The following SLC14A2 variants were observed in gnomAD, a reference collection of about 807,000 sequenced individuals.
SLC14A2 encodes the protein solute carrier family 14 member 2.
In SLC14A2, 91 loss-of-function variants were observed where a neutral mutation model predicts 104.6. The observed-to-expected ratio is 0.87, with a 90% confidence interval of 0.73 to 1.04. SLC14A2 has a LOEUF of 1.04. Ranked by LOEUF, SLC14A2 falls within the 50% of genes least tolerant of loss-of-function variation. The probability of loss-of-function intolerance (pLI) is 0.00; values close to 1 mark genes in which losing one functional copy is unlikely to be tolerated. For missense variants in SLC14A2, 1,189 were observed against 1,156.0 expected (o/e 1.03, Z -0.41); for synonymous variants, 476 against 466.4 (o/e 1.02, Z -0.27).
At chr18:45,614,486 G>A (rs1046804821), upstream of SLC14A2, among the ~76,000 whole-genome samples, 3 of 152,208 alleles carry the variant, frequency 2.0e-5, no homozygotes, top group Non-Finnish European at 2.9e-5. Flanking sequence ...CTCTGCACCT[G>A]GAAGAGCCAC....
chr18:45,280,135 G>A (rs141781384), intron 1 of SLC14A2, among the ~76,000 whole-genome samples: 103 of 152,246 alleles, frequency 6.8e-4, no homozygotes, highest in African/African-American at 2.3e-3. Context: ...GCTCCAAGAC[G>A]GTAAAAACCT....
chr18:45,304,716 G>A (rs1455923075), intron 1 of SLC14A2, among the ~76,000 whole-genome samples: 1 of 152,190 alleles, frequency 6.6e-6, no homozygotes, highest in African/African-American at 2.4e-5. Context: ...GCTGAGGAGA[G>A]AGCAGCCTAA....
At chr18:45,194,327 C>T in the SLC14A2 span, among the ~76,000 whole-genome samples, 10 of 152,100 alleles carry the variant, frequency 6.6e-5, no homozygotes, top group Admixed American at 2.0e-4. Flanking sequence ...GGTTAGTTGT[C>T]GACTTTTTTG....
At chr18:45,467,796 A>G (rs1568222525) in intron 1 of SLC14A2, among the ~76,000 whole-genome samples, 1 of 152,184 alleles carries the variant, frequency 6.6e-6, no homozygotes, top group Non-Finnish European at 1.5e-5. Flanking sequence ...TCTCCCACAG[A>G]CAAATTAAAA....
chr18:45,422,453 A>G (rs1297429570), intron 1 of SLC14A2, among the ~76,000 whole-genome samples: 1 of 152,192 alleles, frequency 6.6e-6, no homozygotes, highest in Non-Finnish European at 1.5e-5. Flanking sequence ...AACATGGAAA[A>G]GGGAACCAGG....
chr18:45,487,631 T>A (rs1181575586), intron 2 of SLC14A2, among the ~76,000 whole-genome samples: 1 of 152,000 alleles, frequency 6.6e-6, no homozygotes, highest in East Asian at 1.9e-4. Flanking sequence ...GTGTTGGAAG[T>A]AAGAGGGCTT....
chr18:45,384,596 C>T (rs985224039), intron 1 of SLC14A2, among the ~76,000 whole-genome samples: 25 of 152,172 alleles, frequency 1.6e-4, no homozygotes, highest in Non-Finnish European at 2.9e-5. Context: ...CACTGCTGCC[C>T]TCTGCTGGAT....
intron 9 of SLC14A2, 73 bp downstream of exon 9, chr18:45,643,254 G>C: frequency 1.5e-6 from 2 of 1,341,234 alleles, no homozygotes; most frequent in Non-Finnish European, 2.1e-6. Context: ...GGGTTGTGGG[G>C]TCTGGGAAAG....
intron 1 of SLC14A2, among the ~76,000 whole-genome samples, chr18:45,375,652 T>G (rs1390090190): frequency 1.3e-5 from 2 of 152,210 alleles, no homozygotes; most frequent in Non-Finnish European, 2.9e-5. Flanking sequence ...TCCCCTGTTT[T>G]AATAAATCAG....
At chr18:45,619,898 A>G (rs2045136551) in intron 1 of SLC14A2, among the ~76,000 whole-genome samples, 1 of 152,212 alleles carries the variant, frequency 6.6e-6, no homozygotes, top group Admixed American at 6.5e-5. Flanking sequence ...CCAGGAACCA[A>G]GTCAGCAATT....
intron 1 of SLC14A2, among the ~76,000 whole-genome samples, chr18:45,255,151 C>A (rs1031140010): frequency 1.3e-5 from 2 of 152,142 alleles, no homozygotes; most frequent in African/African-American, 2.4e-5. Flanking sequence ...ACTGTGCTAC[C>A]CTTTCTCTTT....
chr18:45,385,424 G>A (rs748986489), intron 1 of SLC14A2, among the ~76,000 whole-genome samples: 5 of 152,138 alleles, frequency 3.3e-5, no homozygotes, highest in South Asian at 4.1e-4. Context: ...TCTGAGACAC[G>A]GGATTCAAAT....
At chr18:45,216,797 T>G (rs1433795179) in intron 1 of SLC14A2, among the ~76,000 whole-genome samples, 1 of 152,184 alleles carries the variant, frequency 6.6e-6, no homozygotes, top group Non-Finnish European at 1.5e-5. Context: ...TTTCCCACCT[T>G]TGGCCAAGGC....
intron 1 of SLC14A2, among the ~76,000 whole-genome samples, chr18:45,223,803 G>T (rs921423986): frequency 3.9e-5 from 6 of 152,338 alleles, no homozygotes; most frequent in African/African-American, 1.2e-4. Context: ...TGGAAACCCA[G>T]AGACCTTCAA....
intron 1 of SLC14A2, among the ~76,000 whole-genome samples, chr18:45,314,382 A>G (rs915532928): frequency 3.3e-5 from 5 of 152,214 alleles, no homozygotes; most frequent in Non-Finnish European, 7.3e-5. Flanking sequence ...GCCTGTCCTC[A>G]GGGAAGCCAT....
chr18:45,332,297 C>T (rs544811445), intron 1 of SLC14A2, among the ~76,000 whole-genome samples: 17 of 152,246 alleles, frequency 1.1e-4, no homozygotes, highest in Non-Finnish European at 2.2e-4. Flanking sequence ...TAAACATGTA[C>T]AAACTTCTTT....
At chr18:45,553,601 T>C (rs868409) in intron 2 of SLC14A2, among the ~76,000 whole-genome samples, 66,731 of 151,982 alleles carry the variant, frequency 0.44, 16,816 homozygotes, top group African/African-American at 0.7. Flanking sequence ...TCGAGGGCCC[T>C]TTACTAAGAA....
chr18:45,531,642 C>T (rs553520792), intron 2 of SLC14A2, among the ~76,000 whole-genome samples: 1 of 152,236 alleles, frequency 6.6e-6, no homozygotes, highest in East Asian at 1.9e-4. Context: ...TTCTCCCATT[C>T]TGTAGGTTGC....
At chr18:45,206,723 G>A in the SLC14A2 span, among the ~76,000 whole-genome samples, 1 of 152,152 alleles carries the variant, frequency 6.6e-6, no homozygotes, top group African/African-American at 2.4e-5. Flanking sequence ...CTGGTAGGCA[G>A]GTACTAGTTT....
Sources: allele counts gnomAD v4.1 joint callset (sites outside exome capture counted in the v4.1 genomes callset), GRCh38; gene constraint gnomAD v4.1.1; transcripts MANE v1.5; gene names NCBI Gene and HGNC (gene_info 2026-07-23, HGNC 2026-07-21).